Variants in PRICKLE2 observed in about 807,000 individuals in gnomAD.
PRICKLE2 encodes the protein prickle-like protein 2.
Under a neutral mutation model 81.4 loss-of-function variants are expected in PRICKLE2, and 21 were observed. The ratio of observed to expected loss-of-function variants is 0.26; its 90% CI spans 0.18 to 0.37. The LOEUF (loss-of-function observed/expected upper bound fraction) is 0.37, where lower values mean the gene tolerates loss of function less well. Among genes scored for constraint, PRICKLE2 ranks in the 10% least tolerant of loss-of-function variants. The pLI, the probability that PRICKLE2 is intolerant of heterozygous loss-of-function variation, is 1.00. For missense variants in PRICKLE2, 940 were observed against 1,109.0 expected (o/e 0.85, Z 2.16); for synonymous variants, 456 against 421.5 (o/e 1.08, Z -1.00).
At chr3:64,222,203 G>A (rs1477462663) in intron 1 of PRICKLE2, among the ~76,000 whole-genome samples, 1 of 152,166 alleles carries the variant, frequency 6.6e-6, no homozygotes, top group Non-Finnish European at 1.5e-5. Context: ...AAAGTTCAGA[G>A]AGGTCAGGCA....
intron 1 of PRICKLE2, among the ~76,000 whole-genome samples, chr3:64,215,039 A>G (rs2078850627): frequency 6.6e-6 from 1 of 152,182 alleles, no homozygotes; most frequent in Middle Eastern, 3.4e-3. Flanking sequence ...GCCCTTCTAG[A>G]ATCTAATTTC....
At chr3:64,138,194 A>T (rs2077306272) in intron 7 of PRICKLE2, among the ~76,000 whole-genome samples, 1 of 151,694 alleles carries the variant, frequency 6.6e-6, no homozygotes. Context: ...CATGACCTTG[A>T]TTTCCCTTTG....
intron 2 of PRICKLE2, among the ~76,000 whole-genome samples, chr3:64,233,448 G>A (rs1314088223): frequency 6.6e-6 from 1 of 152,166 alleles, no homozygotes; most frequent in Non-Finnish European, 1.5e-5. Flanking sequence ...CTCCCTTCCT[G>A]TCACATGAAC....
intron 2 of PRICKLE2, chr3:64,182,544 G>A (rs1182722277): frequency 1.3e-5 from 2 of 151,056 alleles, no homozygotes; most frequent in South Asian, 2.1e-4. Flanking sequence ...CATCTCTTCT[G>A]TTCTTCTGCC....
chr3:64,137,056 T>C (rs1367806383), intron 7 of PRICKLE2, among the ~76,000 whole-genome samples: 1 of 152,180 alleles, frequency 6.6e-6, no homozygotes, highest in Non-Finnish European at 1.5e-5. Context: ...AACTAATACG[T>C]AGGGAAGAAA....
chr3:64,267,201 A>C (rs1186923268), intron 2 of PRICKLE2, among the ~76,000 whole-genome samples: 1 of 152,128 alleles, frequency 6.6e-6, no homozygotes, highest in Non-Finnish European at 1.5e-5. Flanking sequence ...GGCAACTTGG[A>C]AAGTAAGAAT....
intron 1 of PRICKLE2, 34 bp downstream of exon 1, chr3:64,224,876 T>G (rs2079009199): frequency 1.0e-6 from 1 of 978,904 alleles, no homozygotes; most frequent in Admixed American, 6.2e-5. Flanking sequence ...ATACTGCTGT[T>G]TAATTTGTGA....
intron 3 of PRICKLE2, among the ~76,000 whole-genome samples, chr3:64,160,996 A>G (rs1447245152): frequency 1.3e-5 from 2 of 152,240 alleles, no homozygotes; most frequent in Non-Finnish European, 2.9e-5. Context: ...AAAAACCAGA[A>G]GAAACCTAAA....
chr3:64,205,962 A>C (rs921056488), intron 1 of PRICKLE2, among the ~76,000 whole-genome samples: 1 of 152,296 alleles, frequency 6.6e-6, no homozygotes, highest in Admixed American at 6.5e-5. Flanking sequence ...GACTCCACGA[A>C]GTCATTTCTA....
intron 7 of PRICKLE2, among the ~76,000 whole-genome samples, chr3:64,119,330 C>A (rs1310214258): frequency 1.3e-5 from 2 of 152,132 alleles, no homozygotes; most frequent in African/African-American, 4.8e-5. Context: ...CACAAGTTTA[C>A]CTACATAACA....
At chr3:64,118,899 A>G (rs898391012) in intron 7 of PRICKLE2, among the ~76,000 whole-genome samples, 4 of 131,528 alleles carry the variant, frequency 3.0e-5, no homozygotes, top group South Asian at 2.5e-4. Flanking sequence ...AAATTGTTCT[A>G]TTATAAAGAA....
At chr3:64,256,365 A>G (rs1311585319) in intron 2 of PRICKLE2, among the ~76,000 whole-genome samples, 1 of 152,176 alleles carries the variant, frequency 6.6e-6, no homozygotes, top group East Asian at 1.9e-4. Context: ...GGTTATACTC[A>G]ATTATTATCA....
intron 2 of PRICKLE2, among the ~76,000 whole-genome samples, chr3:64,178,969 T>TTCTTTCTTTCTTTCTTTCTTTC (rs2078070588): frequency 1.7e-4 from 9 of 52,734 alleles, no homozygotes; most frequent in African/African-American, 6.7e-4. Flanking sequence ...CATATTTTCT[T>TTCTTTCTTTCTTTCTTTCTTTC]TCTTTCTTTC....
At chr3:64,267,787 A>G (rs1035478424) in intron 2 of PRICKLE2, 2 of 152,220 alleles carry the variant, frequency 1.3e-5, no homozygotes, top group Non-Finnish European at 2.9e-5. Flanking sequence ...CATCTCTCCC[A>G]GAGCTTAGTT....
At position 64,224,899 on chromosome 3, in the gene PRICKLE2, T is replaced by G. The variant is rs2079009846; in HGVS notation, c.-41+11A>C. The G allele has an allele frequency of 1.0e-6, 1 of 984,936 alleles. No homozygotes were observed. The highest frequency in any genetic ancestry group is 1.7e-5 in the African/African-American group (1 of 57,158). 61.0% of individuals were successfully genotyped at this position (984,936 alleles called of 1,614,324 possible). ...GTTTAATTTGTGAATTAGAGCAAAT[T>G]TCTTACCCACCTCCAGGGAGGATGA... On this transcript the variant is annotated intron_variant, in intron 1 of 7. Coordinates refer to ENST00000638394, the MANE Select transcript of PRICKLE2 (RefSeq NM_198859.4).
intron 2 of PRICKLE2, among the ~76,000 whole-genome samples, chr3:64,265,178 C>G (rs1235921204): frequency 6.6e-6 from 1 of 151,988 alleles, no homozygotes; most frequent in African/African-American, 2.4e-5. Flanking sequence ...AAAAAACAAA[C>G]AAACAAAAAA....
intron 2 of PRICKLE2, among the ~76,000 whole-genome samples, chr3:64,261,416 C>T (rs1252153341): frequency 6.6e-6 from 1 of 152,066 alleles, no homozygotes; most frequent in Non-Finnish European, 1.5e-5. Context: ...TTAAATGATG[C>T]AATCCTTGCC....
chr3:64,160,164 A>G, intron 3 of PRICKLE2, 87 bp from the exon 4 acceptor site: 1 of 1,427,876 alleles, frequency 7.0e-7, no homozygotes, highest in East Asian at 2.3e-5. Flanking sequence ...TTCTCGTTAA[A>G]TACACTCTCA....
intron 6 of PRICKLE2, among the ~76,000 whole-genome samples, chr3:64,148,335 A>G (rs1266816324): frequency 6.6e-6 from 1 of 152,248 alleles, no homozygotes; most frequent in African/African-American, 2.4e-5. Flanking sequence ...AGTTTTCTTG[A>G]TAGCATTAAT....
Sources: allele counts gnomAD v4.1 joint callset (sites outside exome capture counted in the v4.1 genomes callset), GRCh38; gene constraint gnomAD v4.1.1; transcripts MANE v1.5; gene names NCBI Gene and HGNC (gene_info 2026-07-23, HGNC 2026-07-21).